The following ST6GAL1 variants were observed in gnomAD, a reference collection of about 807,000 sequenced individuals.
ST6GAL1 encodes the protein ST6 beta-galactoside alpha-2,6-sialyltransferase 1, also known as beta-galactoside alpha-2,6-sialyltransferase 1.
Under a neutral mutation model 38.0 loss-of-function variants are expected in ST6GAL1, and 20 were observed. The ratio of observed to expected loss-of-function variants is 0.53; its 90% CI spans 0.37 to 0.77. ST6GAL1 has a LOEUF of 0.77. Among genes scored for constraint, ST6GAL1 ranks in the 30% least tolerant of loss-of-function variants. ST6GAL1 has a pLI of 0.00. For missense variants in ST6GAL1, 432 were observed against 496.4 expected, an observed-to-expected ratio of 0.87 and a Z score of 1.23; for synonymous variants, 196 against 188.2, an observed-to-expected ratio of 1.04 and a Z score of -0.34.
chr3:186,943,518 C>G (rs1048101330), intron 1 of ST6GAL1, among the ~76,000 whole-genome samples: 1 of 152,084 alleles, frequency 6.6e-6, no homozygotes, highest in Non-Finnish European at 1.5e-5. Context: ...GGTGCGATCT[C>G]GGCTCACTGC....
intron 1 of ST6GAL1, among the ~76,000 whole-genome samples, chr3:186,963,560 C>T (rs932551623): frequency 6.6e-6 from 1 of 152,160 alleles, no homozygotes; most frequent in Non-Finnish European, 1.5e-5. Context: ...AAGGATTCCA[C>T]GACTGTAGCA....
At chr3:186,953,399 C>A (rs1714644884) in intron 1 of ST6GAL1, among the ~76,000 whole-genome samples, 1 of 152,146 alleles carries the variant, frequency 6.6e-6, no homozygotes, top group African/African-American at 2.4e-5. Flanking sequence ...CCAGGCAGGA[C>A]ACCTTCCTTC....
chr3:186,979,801 T>G (rs1560149152), intron 2 of ST6GAL1, among the ~76,000 whole-genome samples: 1 of 152,140 alleles, frequency 6.6e-6, no homozygotes, highest in Non-Finnish European at 1.5e-5. Flanking sequence ...TCGGAGATGG[T>G]CAGGTATGAG....
intron 2 of ST6GAL1, among the ~76,000 whole-genome samples, chr3:187,028,457 T>A (rs1012951845): frequency 6.6e-6 from 1 of 152,234 alleles, no homozygotes; most frequent in Non-Finnish European, 1.5e-5. Flanking sequence ...AAAAATGACA[T>A]TGCATTATTT....
chr3:186,996,403 T>C (rs1360693731), intron 2 of ST6GAL1: 2 of 152,224 alleles, frequency 1.3e-5, no homozygotes, highest in African/African-American at 4.8e-5. Context: ...CTTTTCATGC[T>C]TTGTGGCCTT....
Position 187,076,658 on chromosome 3 carries a change from A to T in ST6GAL1, c.*855A>T, listed in dbSNP as rs1038459428. On this transcript the variant is annotated 3_prime_UTR_variant, in exon 8 of 8. Transcript: ENST00000169298. ...GCTTTATAGCACAGGGGGCATTCAG[A>T]TGAGTCTTAGAGGAAGAGAAGAAAC... The T allele has an allele frequency of 2.5e-6, 1 of 396,294 alleles. No homozygotes were observed. Among genetic ancestry groups the T allele is most frequent in the African/African-American group, 2.1e-5 (1 of 48,598 alleles). The allele number at this position is 396,294 out of a possible 1,614,324, so 24.5% of individuals were successfully genotyped here.
rs79941842 is a variant in ST6GAL1, at chr3:187,005,955, G to A, written c.-182-32787G>A. Among the ~76,000 whole-genome samples, 882 of 152,192 alleles carry A rather than the reference G, an allele frequency of 5.8e-3. 13 individuals carry two copies. Among genetic ancestry groups the A allele is most frequent in the East Asian group, 0.037 (192 of 5,154 alleles). ...ACATAGGCATCTTTGACAAGATGGT[G>A]GGGGGATATCTGACCTTGAGGATGA... On this transcript the variant is annotated intron_variant, in intron 2 of 7. Transcript: ENST00000169298.
Position 187,060,285 on chromosome 3 carries a change from C to T in ST6GAL1, c.705+8939C>T, listed in dbSNP as rs555167743. ...AAGCGATTCCCCTGCCTCAGCCTCC[C>T]GAGTAGCTGGGATTACAGGCGCCCA... On this transcript the variant is annotated intron_variant, in intron 5 of 7. Coordinates refer to ENST00000169298, the MANE Select transcript of ST6GAL1 (RefSeq NM_173216.2). Among the ~76,000 whole-genome samples the T allele has an allele frequency of 1.1e-4, 16 of 152,252 alleles. No individual in the cohort carries two copies. The South Asian group carries it at 1.2e-3, about 12-fold the overall frequency.
At chr3:187,047,160 T>C (rs1489205205) in intron 4 of ST6GAL1, among the ~76,000 whole-genome samples, 1 of 152,104 alleles carries the variant, frequency 6.6e-6, no homozygotes. Context: ...TTAGCCAGGA[T>C]GGTCTCGATC....
chr3:186,995,574 C>T (rs186922401), intron 2 of ST6GAL1, among the ~76,000 whole-genome samples: 6 of 149,962 alleles, frequency 4.0e-5, no homozygotes, highest in East Asian at 3.9e-4. Context: ...TGCATGGTGG[C>T]GGCTCACTCC....
intron 2 of ST6GAL1, among the ~76,000 whole-genome samples, chr3:187,029,844 A>G (rs777347029): frequency 6.6e-6 from 1 of 152,122 alleles, no homozygotes; most frequent in Non-Finnish European, 1.5e-5. Context: ...GTAGGAAGGG[A>G]AGTAAGAATA....
chr3:186,977,001 AGAG>A (rs1715541925), intron 2 of ST6GAL1, among the ~76,000 whole-genome samples: 2 of 152,340 alleles, frequency 1.3e-5, no homozygotes, highest in South Asian at 4.1e-4. Flanking sequence ...CTTGCTTGCC[AGAG>A]GAGATCGGCT....
intron 2 of ST6GAL1, among the ~76,000 whole-genome samples, chr3:186,987,204 G>GAAAGA (rs751896785): frequency 5.8e-4 from 87 of 150,386 alleles, no homozygotes; most frequent in Non-Finnish European, 8.7e-4. Context: ...GGGAGGGAAG[G>GAAAGA]AAAGAAAAGG....
chr3:186,942,749 A>G (rs923330219), intron 1 of ST6GAL1, among the ~76,000 whole-genome samples: 5 of 152,208 alleles, frequency 3.3e-5, no homozygotes, highest in African/African-American at 1.2e-4. Flanking sequence ...TCATCCAATC[A>G]TCACAGGAAG....
chr3:187,037,830 A>G (rs1368191035), intron 2 of ST6GAL1, among the ~76,000 whole-genome samples: 1 of 149,528 alleles, frequency 6.7e-6, no homozygotes, highest in African/African-American at 2.5e-5. Flanking sequence ...ATTTTGGAAT[A>G]TATGTAAAAT....
intron 1 of ST6GAL1, among the ~76,000 whole-genome samples, chr3:186,949,490 C>T (rs1184889668): frequency 6.6e-6 from 1 of 152,126 alleles, no homozygotes; most frequent in Non-Finnish European, 1.5e-5. Context: ...TCACAATGAA[C>T]ATCTTATTCT....
chr3:186,989,565 A>G (rs1044440207), intron 2 of ST6GAL1, among the ~76,000 whole-genome samples: 1 of 152,206 alleles, frequency 6.6e-6, no homozygotes, highest in East Asian at 1.9e-4. Flanking sequence ...TAGACCTCAC[A>G]GAGCATGAAG....
intron 2 of ST6GAL1, among the ~76,000 whole-genome samples, chr3:186,979,091 T>G (rs1359032405): frequency 6.6e-6 from 1 of 152,136 alleles, no homozygotes; most frequent in Non-Finnish European, 1.5e-5. Flanking sequence ...AGCTGGGCCC[T>G]ATTTATTTCT....
chr3:186,932,036 G>T (rs568034686), intron 1 of ST6GAL1, among the ~76,000 whole-genome samples: 1 of 152,364 alleles, frequency 6.6e-6, no homozygotes, highest in South Asian at 2.1e-4. Flanking sequence ...GGTTGTGGGC[G>T]TGCAGTGTGA....
Sources: allele counts gnomAD v4.1 joint callset (sites outside exome capture counted in the v4.1 genomes callset), GRCh38; gene constraint gnomAD v4.1.1; transcripts MANE v1.5; gene names NCBI Gene and HGNC (gene_info 2026-07-23, HGNC 2026-07-21).